Variants in GRIK4 observed in about 807,000 individuals in gnomAD.
The protein encoded by GRIK4 is glutamate ionotropic receptor kainate type subunit 4.
In GRIK4, 40 loss-of-function variants were observed where a neutral mutation model predicts 104.9. The ratio of observed to expected loss-of-function variants is 0.38; its 90% CI spans 0.30 to 0.50. GRIK4 has a LOEUF of 0.50. Ranked by LOEUF, GRIK4 falls within the 20% of genes least tolerant of loss-of-function variation. GRIK4 has a pLI of 0.93. For synonymous variants in GRIK4, 485 were observed against 524.9 expected (o/e 0.92, Z 1.04); for missense variants, 1,047 against 1,308.1 (o/e 0.80, Z 3.08).
chr11:120,847,523 A>G (rs1245766446), intron 8 of GRIK4, among the ~76,000 whole-genome samples: 2 of 152,178 alleles, frequency 1.3e-5, no homozygotes, highest in Admixed American at 1.3e-4. Context: ...AATCAATGGG[A>G]GTTAGTCAGG....
chr11:120,722,304 A>C (rs1268850141), intron 3 of GRIK4, among the ~76,000 whole-genome samples: 1 of 152,226 alleles, frequency 6.6e-6, no homozygotes, highest in Non-Finnish European at 1.5e-5. Context: ...GTGTTTTGGC[A>C]GTAGGATTAA....
intron 3 of GRIK4, among the ~76,000 whole-genome samples, chr11:120,738,478 G>A (rs1951265973): frequency 6.6e-6 from 1 of 152,206 alleles, no homozygotes; most frequent in South Asian, 2.1e-4. Context: ...CCAATGGCAG[G>A]GCACTCTGCT....
chr11:120,530,036 T>C lies in GRIK4; in HGVS notation c.-159+18149T>C, dbSNP rs918443703. On this transcript the variant is annotated intron_variant, in intron 1 of 20. Transcript: ENST00000527524. The stretch of plus-strand genomic sequence containing the variant: ...TCAGTGGCCTGCTTAGGAGTAAGGG[T>C]GCCCCAAGTGTGAGTCCTATGAGGC... 9.9e-5 allele frequency among the ~76,000 whole-genome samples: 15 copies of C among 152,124 alleles called. 2 individuals are homozygous for C. Among genetic ancestry groups the C allele is most frequent in the Admixed American group, 9.8e-4 (15 of 15,272 alleles).
intron 1 of GRIK4, among the ~76,000 whole-genome samples, chr11:120,585,343 C>CTT (rs138152898): frequency 5.6e-5 from 8 of 143,748 alleles, no homozygotes; most frequent in Non-Finnish European, 9.1e-5. Context: ...CTCTCTCTCT[C>CTT]TTTTTTTTTT....
intron 11 of GRIK4, among the ~76,000 whole-genome samples, chr11:120,897,588 C>A (rs1942615404): frequency 1.3e-4 from 1 of 7,620 alleles, no homozygotes. Flanking sequence ...GGTGACAGAA[C>A]AAGACTCCTT....
intron 1 of GRIK4, among the ~76,000 whole-genome samples, chr11:120,601,545 G>T (rs887132432): frequency 6.6e-5 from 10 of 151,812 alleles, no homozygotes; most frequent in African/African-American, 2.2e-4. Flanking sequence ...GGCGGGGTGT[G>T]GGGGGGCGCA....
At chr11:120,897,177 G>A (rs75759109) in intron 11 of GRIK4, among the ~76,000 whole-genome samples, 9 of 151,868 alleles carry the variant, frequency 5.9e-5, no homozygotes, top group African/African-American at 2.2e-4. Context: ...GGAGACATCC[G>A]TTGGGAAAAA....
In GRIK4 at chr11:120,919,573, G is replaced by A. The variant is rs555569219; in HGVS notation, c.1476+14080G>A. Among the ~76,000 whole-genome samples the A allele has an allele frequency of 2.2e-3, 342 of 152,258 alleles. 2 individuals are homozygous for A. The highest frequency in any genetic ancestry group is 7.7e-3 in the African/African-American group (321 of 41,536). ...ATTTGCAACTTAACAGGCCCTCCAGGTGGTGCTGATTCGAGCTTAGGTTTG... is the reference window on the plus strand; with the variant it reads ...ATTTGCAACTTAACAGGCCCTCCAGATGGTGCTGATTCGAGCTTAGGTTTG... On this transcript the variant is annotated intron_variant, in intron 13 of 20. Coordinates refer to ENST00000527524, the MANE Select transcript of GRIK4 (RefSeq NM_014619.5).
intron 12 of GRIK4, among the ~76,000 whole-genome samples, chr11:120,900,101 TC>T (rs1328312550): frequency 4.6e-5 from 7 of 152,080 alleles, no homozygotes; most frequent in African/African-American, 1.7e-4. Context: ...AGAGGTCCCC[TC>T]CCATGGGGAG....
rs75620128 is a variant in GRIK4 at position 120,577,558 on chromosome 11, G to A, written c.-159+65671G>A. On this transcript the variant is annotated intron_variant, in intron 1 of 20. Transcript: ENST00000527524. Reference sequence around the variant, plus strand: ...GCCAAAGGGGCTGGGGAGTTTCTTGGAAGGCAGATCATTAAGATTTAATGG... The same window carrying A: ...GCCAAAGGGGCTGGGGAGTTTCTTGAAAGGCAGATCATTAAGATTTAATGG... 0.013 allele frequency among the ~76,000 whole-genome samples: 2,013 copies of A among 152,256 alleles called. 94 individuals carry two copies. In the East Asian group the frequency reaches 0.14, roughly 11 times the overall value.
chr11:120,577,998 C>T (rs532815207), intron 1 of GRIK4, among the ~76,000 whole-genome samples: 44 of 152,254 alleles, frequency 2.9e-4, no homozygotes, highest in African/African-American at 1.1e-3. Context: ...TTCCTTTCAG[C>T]AGAGTGAGTT....
chr11:120,524,751 C>A lies in GRIK4; in HGVS notation c.-159+12864C>A, dbSNP rs896142922. On this transcript the variant is annotated intron_variant, in intron 1 of 20. Transcript: ENST00000527524. This position sits in a 1 kb window ranked among gnomAD's most constrained non-coding sequence, Gnocchi z 4.5. The stretch of plus-strand genomic sequence containing the variant: ...ACCTGGGGTGCTCCTTCAGACATAC[C>A]CAGTGTGAGCTAGGGGCTGCCTGCA... 1.3e-5 allele frequency among the ~76,000 whole-genome samples: 2 copies of A among 152,172 alleles called. No individual in the cohort carries two copies. Among genetic ancestry groups the A allele is most frequent in the Admixed American group, 1.3e-4 (2 of 15,272 alleles).
rs1216851041 is a variant in GRIK4, at chr11:120,546,229, C to T, written c.-159+34342C>T. 7.9e-5 allele frequency among the ~76,000 whole-genome samples: 12 copies of T among 152,276 alleles called. No homozygotes were observed. The South Asian group carries it at 1.0e-3, about 13-fold the overall frequency. Reference sequence around the variant, plus strand: ...CCCTTGCAGCGTTGGTGCTGCTGTTCCTGTTGAATTGGTTCGCCCCCAGTT... The same window carrying T: ...CCCTTGCAGCGTTGGTGCTGCTGTTTCTGTTGAATTGGTTCGCCCCCAGTT... On this transcript the variant is annotated intron_variant, in intron 1 of 20. Coordinates refer to ENST00000527524, the MANE Select transcript of GRIK4 (RefSeq NM_014619.5).
At chr11:120,929,007 A>T (rs1407267673) in intron 13 of GRIK4, among the ~76,000 whole-genome samples, 1 of 135,042 alleles carries the variant, frequency 7.4e-6, no homozygotes, top group South Asian at 2.4e-4. Flanking sequence ...GCACGCGTGT[A>T]TGTGTGTGTG....
chr11:120,606,034 C>G (rs780731805), intron 1 of GRIK4, among the ~76,000 whole-genome samples: 1 of 152,298 alleles, frequency 6.6e-6, no homozygotes, highest in South Asian at 2.1e-4. Context: ...AGAAATGATA[C>G]CCTTCAGGTG....
At chr11:120,757,430 A>G (rs1951672724) in intron 3 of GRIK4, among the ~76,000 whole-genome samples, 1 of 152,174 alleles carries the variant, frequency 6.6e-6, no homozygotes, top group South Asian at 2.1e-4. Context: ...TGATAGTACT[A>G]CCTGTCACAC....
At chr11:120,897,631 T>TAAAAA (rs1942621812) in intron 11 of GRIK4, among the ~76,000 whole-genome samples, 1 of 29,512 alleles carries the variant, frequency 3.4e-5, no homozygotes, top group Non-Finnish European at 8.9e-5. Context: ...AAAAAAAGAG[T>TAAAAA]ACATCTCATA....
chr11:120,719,528 C>G (rs1377101680), intron 3 of GRIK4, among the ~76,000 whole-genome samples: 1 of 152,146 alleles, frequency 6.6e-6, no homozygotes, highest in Non-Finnish European at 1.5e-5. Flanking sequence ...ATACCAGCTT[C>G]CCAGTTGTTT....
chr11:120,753,137 G>T (rs1330430202), intron 3 of GRIK4, among the ~76,000 whole-genome samples: 1 of 152,224 alleles, frequency 6.6e-6, no homozygotes, highest in Non-Finnish European at 1.5e-5. Context: ...GAGAAAATGG[G>T]CAAGAAAGCT....
Sources: allele counts gnomAD v4.1 joint callset (sites outside exome capture counted in the v4.1 genomes callset), GRCh38; gene constraint gnomAD v4.1.1; non-coding constraint Gnocchi (gnomAD v3.1); transcripts MANE v1.5; gene names NCBI Gene and HGNC (gene_info 2026-07-23, HGNC 2026-07-21).